DGCR2: variants seen among roughly 807,000 people sequenced by gnomAD.
DGCR2 encodes integral membrane protein DGCR2/IDD.
DGCR2 carries 24 observed loss-of-function variants against 51.6 expected under a neutral mutation model. The observed-to-expected ratio is 0.47, with a 90% CI of 0.34 to 0.65. The LOEUF (loss-of-function observed/expected upper bound fraction) is 0.65. Ranked by LOEUF, DGCR2 falls within the 30% of genes least tolerant of loss-of-function variation. The pLI is 0.01. For missense variants in DGCR2, 765 were observed against 772.1 expected, an observed-to-expected ratio of 0.99 and a Z score of 0.11; for synonymous variants, 340 against 315.4, an observed-to-expected ratio of 1.08 and a Z score of -0.82.
At chr22:19,084,797 C>A (rs190891098) in intron 2 of DGCR2, among the ~76,000 whole-genome samples, 1,657 of 122,284 alleles carry the variant, frequency 0.014, 29 homozygotes, top group Middle Eastern at 0.037. Flanking sequence ...CCGCCCCGTC[C>A]GGGAAGGAGG....
chr22:19,122,176 G>T lies in DGCR2; in HGVS notation c.31C>A (p.Leu11Met). Residue 11 changes from leucine to methionine, a missense_variant, in exon 1 of 10, where the codon CTG (leucine) becomes ATG (methionine). Transcript: ENST00000263196. Reference sequence around the variant, plus strand: ...GTGAGCACGAGCAGGAAGAGCAGCAGGAAGGCGCCGCTGTCTGCCTTGGGC... The same window carrying T: ...GTGAGCACGAGCAGGAAGAGCAGCATGAAGGCGCCGCTGTCTGCCTTGGGC... MVPKADSGAF[L>M]LLFLLVLTVT... 1 of 1,511,950 alleles carries T rather than the reference G, an allele frequency of 6.6e-7. No homozygotes were observed. Among genetic ancestry groups the T allele is most frequent in the Non-Finnish European group, 8.9e-7 (1 of 1,129,722 alleles). The allele number at this position is 1,511,950 out of a possible 1,614,324, so 93.7% of individuals were successfully genotyped here.
chr22:19,099,455 T>G (rs564771024), intron 1 of DGCR2, among the ~76,000 whole-genome samples: 1 of 151,680 alleles, frequency 6.6e-6, no homozygotes, highest in African/African-American at 2.4e-5. Context: ...GTGGTGTGCA[T>G]GCCTGTAGTC....
Position 19,057,099 on chromosome 22 carries a change from T to C in DGCR2, c.689A>G (p.Asn230Ser), listed in dbSNP as rs1419080508. The C allele has an allele frequency of 5.0e-6, 8 of 1,607,372 alleles. No homozygotes were observed. Among genetic ancestry groups the C allele is most frequent in the Non-Finnish European group, 5.9e-6 (7 of 1,177,082 alleles). ...IFASAMSEND[N>S]VFCAQLQCFH... ...GCACTGAAGCTGGGCACAGAACACG[T>C]TGTCGTTCTCAGACATGGCCGAGGC... is the stretch of plus-strand genomic sequence containing the variant. The change falls in exon 6 of 10, where the codon AAC becomes AGC. Residue 230 changes from asparagine to serine, a missense_variant. Asn to Ser is a conservative substitution (Grantham distance 46). Coordinates refer to ENST00000263196, the MANE Select transcript of DGCR2 (RefSeq NM_005137.3). The surrounding 1 kb of genome is among the most constrained non-coding windows in gnomAD (Gnocchi z 5.1).
At chr22:19,062,779 A>ACACTCACTCTCTCTCTC (rs1555903895) in intron 5 of DGCR2, among the ~76,000 whole-genome samples, 1 of 127,354 alleles carries the variant, frequency 7.9e-6, no homozygotes, top group Non-Finnish European at 1.8e-5. Context: ...ATGCATGCTC[A>ACACTCACTCTCTCTCTC]CTCTCTCTCT....
At chr22:19,067,553 C>T (rs148995855) in intron 3 of DGCR2, among the ~76,000 whole-genome samples, 5,551 of 151,896 alleles carry the variant, frequency 0.037, 304 homozygotes, top group African/African-American at 0.13. Flanking sequence ...ATTAGCCGGG[C>T]GTGATGGCAC....
chr22:19,098,161 G>T (rs2083162378), intron 1 of DGCR2, among the ~76,000 whole-genome samples: 1 of 152,234 alleles, frequency 6.6e-6, no homozygotes, highest in East Asian at 1.9e-4. Flanking sequence ...GAACACAGCT[G>T]GGCTCCCCAC....
intron 2 of DGCR2, among the ~76,000 whole-genome samples, chr22:19,084,522 G>A (rs1225376076): frequency 7.3e-6 from 1 of 136,674 alleles, no homozygotes; most frequent in Non-Finnish European, 1.6e-5. Context: ...CCCTCCGCCC[G>A]GCAGCCGCCC....
intron 2 of DGCR2, among the ~76,000 whole-genome samples, chr22:19,088,513 G>A (rs975083519): frequency 6.6e-6 from 1 of 152,184 alleles, no homozygotes; most frequent in African/African-American, 2.4e-5. Context: ...GCCACTGAAG[G>A]GGAAGTAGTG....
chr22:19,042,075 C>A, intron 7 of DGCR2, 116 bp from the exon 8 acceptor site: 1 of 1,213,398 alleles, frequency 8.2e-7, no homozygotes, highest in Non-Finnish European at 1.1e-6. Flanking sequence ...CACAGTGTCT[C>A]CCTGCACCCA....
chr22:19,057,055 G>T lies in DGCR2; in HGVS notation c.733C>A (p.Arg245=). The T allele has an allele frequency of 6.3e-7, 1 of 1,598,822 alleles. No individual in the cohort carries two copies. Among genetic ancestry groups the T allele is most frequent in the Non-Finnish European group, 8.5e-7 (1 of 1,172,816 alleles). ...QLQCFHFPTL[R]HHDLHSWHAE... ...TGCCAGCTGTGGAGGTCGTGGTGCC[G>T]CAGGGTGGGGAAATGGAAGCACTGA... Residue 245 remains arginine, a synonymous_variant, in exon 6 of 10, where the codon CGG becomes AGG. Transcript: ENST00000263196. This position sits in a 1 kb window ranked among gnomAD's most constrained non-coding sequence, Gnocchi z 5.1.
At chr22:19,047,704 G>C (rs1240885908) in intron 7 of DGCR2, 1 of 152,348 alleles carries the variant, frequency 6.6e-6, no homozygotes, top group Non-Finnish European at 1.5e-5. Flanking sequence ...ATCACCCTGA[G>C]ATCAGATTCC....
Position 19,037,680 on chromosome 22 carries a change from G to A in DGCR2, c.*1185C>T, listed in dbSNP as rs1474948307. 6.6e-6 allele frequency: 1 copy of A among 152,278 alleles called. No homozygotes were observed. Among genetic ancestry groups the A allele is most frequent in the Non-Finnish European group, 1.5e-5 (1 of 68,064 alleles). 9.4% of individuals were successfully genotyped at this position (152,278 alleles called of 1,614,324 possible). A position where few individuals can be genotyped will look rare whatever the true frequency, so the allele number is the denominator to read the frequency against. On this transcript the variant is annotated 3_prime_UTR_variant, in exon 10 of 10. Coordinates refer to ENST00000263196, the MANE Select transcript of DGCR2 (RefSeq NM_005137.3). ...ATATGGATGTGCTAAAAATCGCACAGAACCCGCTTAATCTCCAAACCTCAG... is the reference window on the plus strand; with the variant it reads ...ATATGGATGTGCTAAAAATCGCACAAAACCCGCTTAATCTCCAAACCTCAG...
At position 19,079,403 on chromosome 22, in the gene DGCR2, T is replaced by A. The variant is rs376481206; in HGVS notation, c.202+9965A>T. On this transcript the variant is annotated intron_variant, in intron 2 of 9. Transcript: ENST00000263196. ...GCTTTTTCTTGATTAGGCATTTTCTTAGCTGGGCTAAGAAACCTCTGACTG... is the reference window on the plus strand; with the variant it reads ...GCTTTTTCTTGATTAGGCATTTTCTAAGCTGGGCTAAGAAACCTCTGACTG... Among the ~76,000 whole-genome samples, 111 of 152,360 alleles carry A rather than the reference T, an allele frequency of 7.3e-4. 1 individual carries two copies. Among genetic ancestry groups the A allele is most frequent in the African/African-American group, 2.4e-3 (100 of 41,588 alleles).
chr22:19,104,797 C>A (rs1055505465), intron 1 of DGCR2, among the ~76,000 whole-genome samples: 1 of 152,250 alleles, frequency 6.6e-6, no homozygotes, highest in East Asian at 1.9e-4. Flanking sequence ...CTGGCAGCTG[C>A]TTCCCAGTGG....
chr22:19,043,334 C>T (rs912915685), intron 7 of DGCR2, among the ~76,000 whole-genome samples: 1 of 152,228 alleles, frequency 6.6e-6, no homozygotes, highest in Non-Finnish European at 1.5e-5. Flanking sequence ...AAGAGGGACA[C>T]ACCCTGCCCT....
intron 1 of DGCR2, among the ~76,000 whole-genome samples, chr22:19,105,644 T>C (rs567682499): frequency 1.7e-4 from 26 of 152,220 alleles, no homozygotes; most frequent in Non-Finnish European, 3.4e-4. Context: ...TGGGATGTGC[T>C]ATAACTCCAG....
At chr22:19,053,204 A>G (rs540191022) in intron 6 of DGCR2, among the ~76,000 whole-genome samples, 100 of 152,324 alleles carry the variant, frequency 6.6e-4, no homozygotes, top group African/African-American at 2.3e-3. Context: ...GAGGGTCAGA[A>G]GCACTTGTGA....
chr22:19,111,180 T>C (rs2083310346), intron 1 of DGCR2, among the ~76,000 whole-genome samples: 1 of 152,214 alleles, frequency 6.6e-6, no homozygotes, highest in Admixed American at 6.5e-5. Flanking sequence ...TAGATTTGAT[T>C]GCAATCACTG....
chr22:19,107,225 C>T (rs1264461503), intron 1 of DGCR2, among the ~76,000 whole-genome samples: 3 of 152,120 alleles, frequency 2.0e-5, no homozygotes, highest in African/African-American at 4.8e-5. Flanking sequence ...CTCCCCTGGA[C>T]CCTGGAGCTC....
Sources: gnomAD v4.1 joint callset for allele counts (sites outside exome capture counted in the v4.1 genomes callset) on GRCh38, gnomAD v4.1.1 for gene constraint, Gnocchi (gnomAD v3.1) non-coding constraint, MANE v1.5 for transcripts, NCBI Gene and HGNC (gene_info 2026-07-23, HGNC 2026-07-21) for gene names.